The following CTNND2 variants were observed in gnomAD, a reference collection of about 807,000 sequenced individuals.
CTNND2 encodes catenin delta 2.
A neutral mutation model predicts 144.4 loss-of-function variants in CTNND2; 22 were observed. That is an observed-to-expected ratio of 0.15 (90% CI 0.11 to 0.22). The LOEUF (loss-of-function observed/expected upper bound fraction) is 0.22, where lower values mean the gene tolerates loss of function less well. CTNND2 is among the 10% of genes least tolerant of loss of function. The probability of loss-of-function intolerance (pLI) is 1.00; values close to 1 mark genes in which losing one functional copy is unlikely to be tolerated. For missense variants in CTNND2, 1,353 were observed against 1,618.8 expected, an observed-to-expected ratio of 0.84 and a Z score of 2.82; for synonymous variants, 751 against 695.6, an observed-to-expected ratio of 1.08 and a Z score of -1.25.
chr5:11,667,307 T>G (rs10044247), intron 2 of CTNND2, among the ~76,000 whole-genome samples: 36,814 of 151,962 alleles, frequency 0.24, 7,639 homozygotes, highest in African/African-American at 0.57. Flanking sequence ...GGGTCAAATG[T>G]TATTTCTAGT....
chr5:11,650,417 A>G (rs1782590585), intron 2 of CTNND2, among the ~76,000 whole-genome samples: 1 of 152,184 alleles, frequency 6.6e-6, no homozygotes, highest in African/African-American at 2.4e-5. Flanking sequence ...GCAAGAATGG[A>G]CTAATACAGA....
chr5:11,060,507 C>A (rs4702786), intron 16 of CTNND2, among the ~76,000 whole-genome samples: 9,890 of 152,198 alleles, frequency 0.065, 539 homozygotes, highest in African/African-American at 0.14. Flanking sequence ...ACAGATAATA[C>A]CCAACACGAG....
chr5:11,352,332 G>T (rs1245192820), intron 8 of CTNND2, among the ~76,000 whole-genome samples: 1 of 152,138 alleles, frequency 6.6e-6, no homozygotes, highest in African/African-American at 2.4e-5. Flanking sequence ...ATATTTGAAA[G>T]CGAATATGAT....
chr5:11,188,209 C>A (rs530320173), intron 11 of CTNND2, among the ~76,000 whole-genome samples: 37 of 152,178 alleles, frequency 2.4e-4, no homozygotes, highest in African/African-American at 7.5e-4. Flanking sequence ...ACTCAAATGC[C>A]CATCAGTGAT....
At chr5:11,283,796 A>C (rs972017953) in intron 9 of CTNND2, among the ~76,000 whole-genome samples, 1 of 151,878 alleles carries the variant, frequency 6.6e-6, no homozygotes, top group Non-Finnish European at 1.5e-5. Context: ...ACATTTTTAG[A>C]AAATAAGTAA....
At chr5:11,246,699 G>A (rs1743039828) in intron 9 of CTNND2, among the ~76,000 whole-genome samples, 1 of 131,202 alleles carries the variant, frequency 7.6e-6, no homozygotes, top group African/African-American at 2.9e-5. Flanking sequence ...ACAGGGACAC[G>A]ACAGTCTGTG....
intron 9 of CTNND2, among the ~76,000 whole-genome samples, chr5:11,252,978 T>C (rs1014905203): frequency 7.9e-5 from 12 of 152,216 alleles, no homozygotes; most frequent in African/African-American, 2.9e-4. Flanking sequence ...ATATTTTATG[T>C]TGCTGACTTT....
intron 21 of CTNND2, among the ~76,000 whole-genome samples, chr5:10,976,416 AT>A (rs1434977276): frequency 6.6e-6 from 1 of 152,208 alleles, no homozygotes; most frequent in Admixed American, 6.5e-5. Context: ...TGGATGAGGG[AT>A]GTAGAATGAT....
chr5:11,520,066 G>A (rs1184082688), intron 3 of CTNND2, among the ~76,000 whole-genome samples: 4 of 147,838 alleles, frequency 2.7e-5, no homozygotes, highest in East Asian at 2.0e-4. Flanking sequence ...AGAATCACTC[G>A]AACCCAGGAG....
At chr5:11,102,513 A>AT (rs1490262979) in intron 14 of CTNND2, among the ~76,000 whole-genome samples, 1 of 152,174 alleles carries the variant, frequency 6.6e-6, no homozygotes, top group African/African-American at 2.4e-5. Context: ...CAATAGATTG[A>AT]TTTTTTGCCA....
intron 14 of CTNND2, among the ~76,000 whole-genome samples, chr5:11,101,887 A>ATGTGTGTGTGTGTGTGTGTGTGTG (rs201704440): frequency 2.8e-5 from 4 of 145,186 alleles, no homozygotes; most frequent in Admixed American, 6.9e-5. Flanking sequence ...ACGACCACAT[A>ATGTGTGTGTGTGTGTGTGTGTGTG]TGTGTGTGTG....
intron 3 of CTNND2, among the ~76,000 whole-genome samples, chr5:11,437,132 G>A (rs1390429271): frequency 6.6e-6 from 1 of 152,172 alleles, no homozygotes; most frequent in Non-Finnish European, 1.5e-5. Flanking sequence ...TTATTGTTAT[G>A]TATTTCCATC....
At chr5:11,356,136 G>A (rs1755848217) in intron 8 of CTNND2, among the ~76,000 whole-genome samples, 1 of 151,984 alleles carries the variant, frequency 6.6e-6, no homozygotes, top group South Asian at 2.1e-4. Flanking sequence ...GTGATCTACA[G>A]ATTTACTACA....
At chr5:11,691,049 C>T (rs917597908) in intron 2 of CTNND2, among the ~76,000 whole-genome samples, 6 of 151,876 alleles carry the variant, frequency 4.0e-5, no homozygotes, top group Admixed American at 6.6e-5. Flanking sequence ...AAGATAAGAA[C>T]AAAAAAATGT....
At chr5:11,327,372 T>C (rs1325972395) in intron 9 of CTNND2, among the ~76,000 whole-genome samples, 2 of 152,216 alleles carry the variant, frequency 1.3e-5, no homozygotes, top group Admixed American at 1.3e-4. Flanking sequence ...TAAGCATTGT[T>C]TGAAACCTAT....
At chr5:11,835,532 T>C (rs1255136222) in intron 1 of CTNND2, among the ~76,000 whole-genome samples, 1 of 152,220 alleles carries the variant, frequency 6.6e-6, no homozygotes, top group African/African-American at 2.4e-5. Context: ...CATTTAATGT[T>C]AGTGTTGGTA....
chr5:11,207,966 GAATT>G (rs1738228519), intron 10 of CTNND2, among the ~76,000 whole-genome samples: 1 of 151,926 alleles, frequency 6.6e-6, no homozygotes, highest in Non-Finnish European at 1.5e-5. Context: ...AAACCTTTTG[GAATT>G]AATTAGAAAA....
chr5:11,018,881 G>A (rs1238298057), intron 17 of CTNND2, among the ~76,000 whole-genome samples: 2 of 151,972 alleles, frequency 1.3e-5, no homozygotes, highest in Non-Finnish European at 2.9e-5. Context: ...CAGCTATTTT[G>A]TATTTTTAGT....
intron 1 of CTNND2, among the ~76,000 whole-genome samples, chr5:11,827,748 A>C (rs1793674854): frequency 6.6e-6 from 1 of 152,192 alleles, no homozygotes; most frequent in Non-Finnish European, 1.5e-5. Context: ...GGAATTGCAC[A>C]ACAAGTATAA....
Sources: allele counts gnomAD v4.1 joint callset (sites outside exome capture counted in the v4.1 genomes callset), GRCh38; gene constraint gnomAD v4.1.1; transcripts MANE v1.5; gene names NCBI Gene and HGNC (gene_info 2026-07-23, HGNC 2026-07-21).